The following MTUS2 variants were observed in gnomAD, a reference collection of about 807,000 sequenced individuals.
MTUS2 encodes microtubule-associated tumor suppressor candidate 2.
MTUS2 carries 40 observed loss-of-function variants against 114.1 expected under a neutral mutation model. That is an observed-to-expected ratio of 0.35 (90% CI 0.27 to 0.46). The LOEUF is 0.46. Among genes scored for constraint, MTUS2 ranks in the 20% least tolerant of loss-of-function variants. The pLI is 1.00. For synonymous variants in MTUS2, 688 were observed against 672.0 expected (o/e 1.02, Z -0.37); for missense variants, 1,679 against 1,705.4 (o/e 0.98, Z 0.27).
intron 5 of MTUS2, among the ~76,000 whole-genome samples, chr13:29,213,953 T>A (rs992108421): frequency 2.6e-5 from 4 of 152,142 alleles, no homozygotes; most frequent in African/African-American, 7.2e-5. Context: ...TTTTTGTTCA[T>A]GTATTAGCTA....
intron 8 of MTUS2, among the ~76,000 whole-genome samples, chr13:29,395,543 T>A (rs1873848937): frequency 6.6e-6 from 1 of 152,012 alleles, no homozygotes; most frequent in African/African-American, 2.4e-5. Context: ...GAAGGTAGGG[T>A]CTCCTCACTC....
In MTUS2 at chr13:29,033,975, C is replaced by T; in HGVS notation, c.2296C>T (p.Leu766Phe). 1 of 1,614,010 alleles carries T rather than the reference C, an allele frequency of 6.2e-7. No individual in the cohort carries two copies. Among genetic ancestry groups the T allele is most frequent in the Non-Finnish European group, 8.5e-7 (1 of 1,179,892 alleles). Reference sequence around the variant, plus strand: ...AACTTTCTATCGGTCAGCCATGCTCCTTAAGCCCCAGCTAGGATTGGGTGC... The same window carrying T: ...AACTTTCTATCGGTCAGCCATGCTCTTTAAGCCCCAGCTAGGATTGGGTGC... ...PPTFYRSAML[L>F]KPQLGLGAMS... The change falls in exon 4 of 16, where the codon CTT (leucine) becomes TTT (phenylalanine). Residue 766 changes from leucine to phenylalanine, a missense_variant. Leu to Phe is a conservative substitution (Grantham distance 22, BLOSUM62 0). Around this residue, in one of 3 missense-constraint regions of MTUS2, gnomAD observed 822 missense variants for 899.7 expected, o/e 0.91. Coordinates refer to ENST00000612955, the MANE Select transcript of MTUS2 (RefSeq NM_001033602.4).
chr13:29,192,053 T>A (rs886405877), intron 5 of MTUS2, among the ~76,000 whole-genome samples: 49 of 152,224 alleles, frequency 3.2e-4, no homozygotes, highest in African/African-American at 1.2e-3. Context: ...CAAAATTCAC[T>A]TTGTGCTGAA....
chr13:29,030,439 G>A (rs914512346), intron 3 of MTUS2, among the ~76,000 whole-genome samples: 3 of 152,156 alleles, frequency 2.0e-5, no homozygotes, highest in Non-Finnish European at 2.9e-5. Flanking sequence ...TCATCAGAAC[G>A]AGACCCAGGC....
chr13:29,071,743 G>T (rs1184347790), intron 4 of MTUS2, among the ~76,000 whole-genome samples: 5 of 152,082 alleles, frequency 3.3e-5, no homozygotes, highest in African/African-American at 9.6e-5. Context: ...GTTTTTCTTT[G>T]CTTTTTATTT....
At chr13:29,043,574 AT>A (rs956133104) in intron 4 of MTUS2, among the ~76,000 whole-genome samples, 3 of 149,740 alleles carry the variant, frequency 2.0e-5, no homozygotes, top group Non-Finnish European at 3.0e-5. Context: ...GTCATATGTC[AT>A]TTTTTTTAGT....
At position 29,020,199 on chromosome 13, in the gene MTUS2, C is replaced by T. The variant is rs1051297958; in HGVS notation, c.-242-4258C>T. The stretch of plus-strand genomic sequence containing the variant: ...TTTTTTCAAGATAAAATATCAATTA[C>T]TTCTAAGGCCATTATTGTTAACTTT... On this transcript the variant is annotated intron_variant, in intron 2 of 15. Coordinates refer to ENST00000612955, the MANE Select transcript of MTUS2 (RefSeq NM_001033602.4). Among the ~76,000 whole-genome samples the T allele has an allele frequency of 8.5e-5, 13 of 152,196 alleles. No homozygotes were observed. In the South Asian group the frequency reaches 1.0e-3, roughly 12 times the overall value.
intron 5 of MTUS2, among the ~76,000 whole-genome samples, chr13:29,139,272 T>C (rs946137937): frequency 2.0e-5 from 3 of 152,236 alleles, no homozygotes; most frequent in Non-Finnish European, 4.4e-5. Flanking sequence ...TTTGTATTTT[T>C]TCTTTCTTGG....
At chr13:29,037,370 T>G (rs1323912869) in intron 4 of MTUS2, among the ~76,000 whole-genome samples, 2 of 152,226 alleles carry the variant, frequency 1.3e-5, no homozygotes, top group Non-Finnish European at 2.9e-5. Context: ...GAGTTTCTGC[T>G]GAGAGATCCA....
chr13:29,451,940 T>G (rs1878711580), intron 9 of MTUS2, among the ~76,000 whole-genome samples: 2 of 152,176 alleles, frequency 1.3e-5, no homozygotes, highest in South Asian at 4.1e-4. Flanking sequence ...AATTACTGAT[T>G]TCCTTGCACA....
At chr13:29,389,341 G>GAATA in intron 8 of MTUS2, among the ~76,000 whole-genome samples, 1 of 80,010 alleles carries the variant, frequency 1.2e-5, no homozygotes, top group South Asian at 4.1e-4. Flanking sequence ...ATATATGTAT[G>GAATA]CACGTGTGTG....
At chr13:29,152,266 A>G (rs1460883540) in intron 5 of MTUS2, among the ~76,000 whole-genome samples, 3 of 152,234 alleles carry the variant, frequency 2.0e-5, no homozygotes, top group African/African-American at 7.2e-5. Context: ...AGTTCCCTAA[A>G]CATATGCTAA....
chr13:29,055,911 T>C (rs1038421117), intron 4 of MTUS2, among the ~76,000 whole-genome samples: 1 of 152,114 alleles, frequency 6.6e-6, no homozygotes, highest in African/African-American at 2.4e-5. Context: ...ATTGCTTGTT[T>C]TTTTTTCTTT....
intron 5 of MTUS2, among the ~76,000 whole-genome samples, chr13:29,238,693 A>G (rs1896624032): frequency 6.6e-6 from 1 of 152,142 alleles, no homozygotes; most frequent in Non-Finnish European, 1.5e-5. Flanking sequence ...TGCCTCTCCT[A>G]GTCCACTGAT....
At chr13:29,205,831 CCAT>C (rs1895161408) in intron 5 of MTUS2, among the ~76,000 whole-genome samples, 2 of 152,132 alleles carry the variant, frequency 1.3e-5, no homozygotes, top group African/African-American at 4.8e-5. Flanking sequence ...TGGGATGATT[CCAT>C]ATTTTTGCAA....
intron 5 of MTUS2, among the ~76,000 whole-genome samples, chr13:29,235,747 A>G (rs1191731535): frequency 6.6e-6 from 1 of 152,174 alleles, no homozygotes; most frequent in African/African-American, 2.4e-5. Context: ...GAATTATTTA[A>G]ATAGATTTTC....
intron 5 of MTUS2, among the ~76,000 whole-genome samples, chr13:29,219,697 A>G (rs1325741440): frequency 6.6e-6 from 1 of 152,206 alleles, no homozygotes; most frequent in Non-Finnish European, 1.5e-5. Flanking sequence ...TTCATCAGTT[A>G]TCTTAGCTAA....
At chr13:29,202,939 T>C (rs1417876946) in intron 5 of MTUS2, among the ~76,000 whole-genome samples, 1 of 152,208 alleles carries the variant, frequency 6.6e-6, no homozygotes, top group African/African-American at 2.4e-5. Flanking sequence ...ATGAGGTGTC[T>C]GTTGACCCCT....
intron 2 of MTUS2, among the ~76,000 whole-genome samples, chr13:28,973,011 AATAT>A (rs1883925312): frequency 1.3e-5 from 2 of 152,120 alleles, no homozygotes; most frequent in Admixed American, 6.5e-5. Flanking sequence ...TATATCAAAA[AATAT>A]ATATAGTTCT....
Sources: gnomAD v4.1 joint callset for allele counts (sites outside exome capture counted in the v4.1 genomes callset) on GRCh38, gnomAD v4.1.1 for gene constraint, gnomAD v4.1.1 regional missense constraint, MANE v1.5 for transcripts, NCBI Gene and HGNC (gene_info 2026-07-23, HGNC 2026-07-21) for gene names.